Variants in SPATA13 observed in about 807,000 individuals in gnomAD.
SPATA13 encodes the protein spermatogenesis associated 13.
SPATA13 carries 50 observed loss-of-function variants against 104.0 expected under a neutral mutation model. That is an observed-to-expected ratio of 0.48 (90% CI 0.38 to 0.61). The LOEUF is 0.61. Among genes scored for constraint, SPATA13 ranks in the 20% least tolerant of loss-of-function variants. SPATA13 has a pLI of 0.00. For synonymous variants in SPATA13, 606 were observed against 667.5 expected (o/e 0.91, Z 1.42); for missense variants, 1,524 against 1,690.6 (o/e 0.90, Z 1.73).
intron 2 of SPATA13, among the ~76,000 whole-genome samples, chr13:24,006,331 G>C (rs1194693166): frequency 2.0e-5 from 3 of 152,144 alleles, no homozygotes; most frequent in Non-Finnish European, 4.4e-5. Flanking sequence ...GGCCTTCGTG[G>C]CACCTCAAGC....
chr13:24,222,960 C>T lies in SPATA13; in HGVS notation c.31C>T (p.Pro11Ser). The T allele has an allele frequency of 6.4e-7, 1 of 1,551,298 alleles. No homozygotes were observed. The highest frequency in any genetic ancestry group is 8.7e-7 in the Non-Finnish European group (1 of 1,146,796). ...CCAGGCTGCCGTGCGGCCCTGGGCA[C>T]CCTGCCTGGAGAACATGACCACTGC... MTQAAVRPWAPCLENMTTAPN... is the reference protein window; with the variant it reads MTQAAVRPWASCLENMTTAPN... The change falls in exon 2 of 13, where the codon CCC becomes TCC. Residue 11 changes from proline to serine, a missense_variant. Physicochemically the swap from Pro to Ser is moderately conservative, Grantham distance 74. Transcript: ENST00000382108.
intron 2 of SPATA13, among the ~76,000 whole-genome samples, chr13:24,001,514 G>A (rs756645701): frequency 1.3e-5 from 2 of 151,974 alleles, no homozygotes; most frequent in Non-Finnish European, 2.9e-5. Flanking sequence ...ATGAGCTGGC[G>A]GGGAAAGGCA....
chr13:24,154,604 G>A (rs921670815), intron 3 of SPATA13, among the ~76,000 whole-genome samples: 2 of 152,198 alleles, frequency 1.3e-5, no homozygotes, highest in African/African-American at 4.8e-5. Flanking sequence ...AGTTTTCTAT[G>A]ATGTGGAACA....
intron 4 of SPATA13, among the ~76,000 whole-genome samples, chr13:24,280,692 C>T (rs552019752): frequency 5.3e-5 from 8 of 152,170 alleles, no homozygotes; most frequent in South Asian, 4.1e-4. Context: ...TCTTGGGCCT[C>T]GTGGTCTGGG....
Position 24,270,082 on chromosome 13 carries a change from T to G in SPATA13, c.2165-14053T>G, listed in dbSNP as rs138702221. 2.1e-3 allele frequency among the ~76,000 whole-genome samples: 326 copies of G among 152,210 alleles called. 2 individuals carry two copies. Among genetic ancestry groups the G allele is most frequent in the African/African-American group, 7.5e-3 (312 of 41,546 alleles). On this transcript the variant is annotated intron_variant, in intron 4 of 12. Coordinates refer to ENST00000382108, the MANE Select transcript of SPATA13 (RefSeq NM_001166271.3). The stretch of plus-strand genomic sequence containing the variant: ...ACTACTTTGCGTATATATTACCTCA[T>G]TGTTCATAAAGTTAAAAAGGCCGTG...
chr13:24,291,748 A>T (rs5802276), intron 9 of SPATA13, among the ~76,000 whole-genome samples: 1,975 of 11,926 alleles, frequency 0.17, 59 homozygotes, highest in African/African-American at 0.28. Context: ...TTATTTTTTT[A>T]TTTTTTTATT....
intron 3 of SPATA13, among the ~76,000 whole-genome samples, chr13:24,080,602 C>A (rs1157982521): frequency 6.6e-6 from 1 of 152,186 alleles, no homozygotes; most frequent in Non-Finnish European, 1.5e-5. Flanking sequence ...CCGCACACCA[C>A]CTAAGAAGGT....
intron 3 of SPATA13, among the ~76,000 whole-genome samples, chr13:24,073,249 A>T (rs1879227473): frequency 6.6e-6 from 1 of 152,174 alleles, no homozygotes; most frequent in Admixed American, 6.5e-5. Flanking sequence ...ATTTAAAAAA[A>T]ATTTCTAGGT....
chr13:24,186,106 T>A (rs34308776), intron 1 of SPATA13, among the ~76,000 whole-genome samples: 1 of 151,964 alleles, frequency 6.6e-6, no homozygotes, highest in Non-Finnish European at 1.5e-5. Flanking sequence ...ACATCCAGAC[T>A]GGTGTTTGGC....
intron 3 of SPATA13, among the ~76,000 whole-genome samples, chr13:24,114,551 G>A (rs1328301177): frequency 6.6e-6 from 1 of 152,070 alleles, no homozygotes; most frequent in African/African-American, 2.4e-5. Flanking sequence ...ATTGATTCAA[G>A]GCTGTCATTT....
intron 3 of SPATA13, chr13:24,122,070 T>A: frequency 6.3e-7 from 1 of 1,586,740 alleles, no homozygotes; most frequent in Non-Finnish European, 8.7e-7. Context: ...ATAACTCAAT[T>A]CATCCCTGGT....
chr13:24,122,914 T>G, intron 3 of SPATA13: 1 of 777,468 alleles, frequency 1.3e-6, no homozygotes, highest in South Asian at 1.3e-5. Context: ...AGCTGTTGGG[T>G]TATCTCTTAA....
At chr13:24,213,914 G>A (rs1871155844) in intron 1 of SPATA13, among the ~76,000 whole-genome samples, 1 of 152,222 alleles carries the variant, frequency 6.6e-6, no homozygotes, top group Non-Finnish European at 1.5e-5. Context: ...TATTATCTGA[G>A]TCAGGGTTGA....
At chr13:24,172,753 C>T (rs971449985) in intron 1 of SPATA13, among the ~76,000 whole-genome samples, 1 of 152,218 alleles carries the variant, frequency 6.6e-6, no homozygotes, top group African/African-American at 2.4e-5. Context: ...TTGATTATCA[C>T]AGCTGCATAC....
chr13:24,217,909 A>T (rs1566155664), intron 1 of SPATA13, among the ~76,000 whole-genome samples: 1 of 152,184 alleles, frequency 6.6e-6, no homozygotes, highest in Non-Finnish European at 1.5e-5. Context: ...ACCACTGCCC[A>T]CTGCCAAACC....
intron 9 of SPATA13, 143 bp downstream of exon 9, chr13:24,291,027 T>A (rs912194995): frequency 3.0e-6 from 2 of 662,274 alleles, no homozygotes; most frequent in African/African-American, 1.8e-5. Context: ...TCAGGTTGTT[T>A]AGAATGTGTG....
At chr13:24,114,487 T>C (rs965700188) in intron 3 of SPATA13, among the ~76,000 whole-genome samples, 1 of 149,890 alleles carries the variant, frequency 6.7e-6, no homozygotes, top group East Asian at 2.0e-4. Context: ...ACACTTGGCC[T>C]GGTGCTGCCT....
chr13:24,202,700 C>G (rs775156189), intron 1 of SPATA13, among the ~76,000 whole-genome samples: 1 of 150,892 alleles, frequency 6.6e-6, no homozygotes, highest in Non-Finnish European at 1.5e-5. Flanking sequence ...TGAGAACTGT[C>G]TTATTAGATA....
chr13:24,173,389 T>TGTGTGG (rs1883073164), intron 1 of SPATA13, among the ~76,000 whole-genome samples: 2 of 151,568 alleles, frequency 1.3e-5, no homozygotes, highest in South Asian at 4.2e-4. Context: ...TGTGTGTGTG[T>TGTGTGG]GTGTGTGTGT....
Sources: allele counts gnomAD v4.1 joint callset (sites outside exome capture counted in the v4.1 genomes callset), GRCh38; gene constraint gnomAD v4.1.1; transcripts MANE v1.5; gene names NCBI Gene and HGNC (gene_info 2026-07-23, HGNC 2026-07-21).